The following PRKG1 variants were observed in gnomAD, a reference collection of about 807,000 sequenced individuals.
PRKG1 encodes cGMP-dependent protein kinase 1.
A neutral mutation model predicts 88.1 loss-of-function variants in PRKG1; 35 were observed. The observed-to-expected ratio is 0.40, with a 90% confidence interval of 0.30 to 0.53. PRKG1 has a LOEUF of 0.53. PRKG1 is among the 20% of genes least tolerant of loss of function. PRKG1 has a pLI of 0.59. For missense variants in PRKG1, 540 were observed against 839.8 expected (o/e 0.64, Z 4.41); for synonymous variants, 303 against 292.5 (o/e 1.04, Z -0.37).
intron 4 of PRKG1, among the ~76,000 whole-genome samples, chr10:51,821,629 T>C (rs185242944): frequency 6.6e-6 from 1 of 152,238 alleles, no homozygotes; most frequent in Admixed American, 6.5e-5. Flanking sequence ...CCTATATATT[T>C]ATATTTAGCA....
At chr10:51,231,570 T>C (rs1471741867) in intron 2 of PRKG1, among the ~76,000 whole-genome samples, 2 of 152,174 alleles carry the variant, frequency 1.3e-5, no homozygotes, top group African/African-American at 4.8e-5. Context: ...AATTTACCTT[T>C]CTTTGGAATC....
At chr10:52,051,676 T>C (rs536422601) in intron 5 of PRKG1, among the ~76,000 whole-genome samples, 4 of 152,326 alleles carry the variant, frequency 2.6e-5, no homozygotes, top group South Asian at 4.1e-4. Flanking sequence ...ACCCTATCAT[T>C]GGGCAGAATT....
chr10:51,334,934 G>C (rs539315941), intron 2 of PRKG1, among the ~76,000 whole-genome samples: 20 of 151,804 alleles, frequency 1.3e-4, no homozygotes, highest in Non-Finnish European at 7.4e-5. Flanking sequence ...GGAAAAACAG[G>C]AGGACGTGTT....
chr10:51,077,150 G>T (rs970765951), intron 1 of PRKG1, among the ~76,000 whole-genome samples: 3 of 152,176 alleles, frequency 2.0e-5, no homozygotes, highest in African/African-American at 7.2e-5. Context: ...GGTTGTACAA[G>T]GTAGCTCCAC....
At chr10:51,277,931 T>G (rs1388306109) in intron 2 of PRKG1, among the ~76,000 whole-genome samples, 1 of 152,210 alleles carries the variant, frequency 6.6e-6, no homozygotes, top group African/African-American at 2.4e-5. Flanking sequence ...TTTTCCTAAT[T>G]GAATACCCTT....
chr10:51,768,708 G>C (rs564595614), intron 3 of PRKG1, among the ~76,000 whole-genome samples: 1 of 152,062 alleles, frequency 6.6e-6, no homozygotes, highest in African/African-American at 2.4e-5. Flanking sequence ...GATGAAAAAG[G>C]AATGGGGGCT....
intron 3 of PRKG1, among the ~76,000 whole-genome samples, chr10:51,730,183 C>T (rs1564624346): frequency 6.6e-6 from 1 of 152,066 alleles, no homozygotes; most frequent in Non-Finnish European, 1.5e-5. Context: ...AGCTGATGCT[C>T]CAGAGGCTGT....
At chr10:51,239,222 G>A (rs74133548) in intron 2 of PRKG1, among the ~76,000 whole-genome samples, 4,138 of 152,134 alleles carry the variant, frequency 0.027, 193 homozygotes, top group African/African-American at 0.093. Flanking sequence ...AATAGCATCC[G>A]TAACCCAGAA....
intron 2 of PRKG1, among the ~76,000 whole-genome samples, chr10:51,353,511 A>G (rs974027996): frequency 2.0e-5 from 3 of 152,234 alleles, no homozygotes; most frequent in Non-Finnish European, 4.4e-5. Flanking sequence ...CATTTGTCAA[A>G]AGAAGACATA....
intron 3 of PRKG1, among the ~76,000 whole-genome samples, chr10:51,574,408 A>G (rs937525498): frequency 3.3e-5 from 5 of 152,070 alleles, no homozygotes; most frequent in Admixed American, 1.3e-4. Flanking sequence ...AAATGTTGCC[A>G]GCAATGCTTT....
intron 2 of PRKG1, among the ~76,000 whole-genome samples, chr10:51,187,298 A>C (rs1837516924): frequency 6.6e-6 from 1 of 151,908 alleles, no homozygotes; most frequent in Non-Finnish European, 1.5e-5. Flanking sequence ...AACTTTTAAA[A>C]CTGGTTCCAC....
chr10:51,881,404 C>T (rs1282503556), intron 4 of PRKG1, among the ~76,000 whole-genome samples: 1 of 152,178 alleles, frequency 6.6e-6, no homozygotes, highest in Admixed American at 6.5e-5. Context: ...CTGCATTCAG[C>T]TGTGAGCTCA....
At chr10:51,081,492 A>T (rs1390278757) in intron 1 of PRKG1, among the ~76,000 whole-genome samples, 1 of 152,202 alleles carries the variant, frequency 6.6e-6, no homozygotes, top group Non-Finnish European at 1.5e-5. Flanking sequence ...TTCCCATTAG[A>T]CCAGTGCTTG....
rs546357399 is a variant in PRKG1, at chr10:51,743,731, AAAC to A, written c.593-60853_593-60851del. Among the ~76,000 whole-genome samples, 241 of 37,580 alleles carry A rather than the reference AAAC, an allele frequency of 6.4e-3. 2 individuals are homozygous for A. Among genetic ancestry groups the A allele is most frequent in the African/African-American group, 0.016 (119 of 7,442 alleles). 24.7% of individuals were successfully genotyped at this position (37,580 alleles called of 152,430 possible). A position where few individuals can be genotyped will look rare whatever the true frequency, so the allele number is the denominator to read the frequency against. On this transcript the variant is annotated intron_variant, in intron 3 of 17. Coordinates refer to ENST00000373980, the MANE Select transcript of PRKG1 (RefSeq NM_006258.4). ...AACTAAATATATATATATATAATAT[AAAC>A]TAAATATATATATATATATATATAT...
chr10:51,804,875 T>C (rs928221407), intron 4 of PRKG1, among the ~76,000 whole-genome samples, 185 bp downstream of exon 4: 1 of 152,062 alleles, frequency 6.6e-6, no homozygotes, highest in African/African-American at 2.4e-5. Flanking sequence ...TCTGTAGAGA[T>C]GTAAGACTTC....
At chr10:51,674,748 C>T (rs576237330) in intron 3 of PRKG1, among the ~76,000 whole-genome samples, 24 of 152,180 alleles carry the variant, frequency 1.6e-4, no homozygotes, top group African/African-American at 4.3e-4. Context: ...TGGATGAACC[C>T]GAGACGTTCT....
intron 9 of PRKG1, among the ~76,000 whole-genome samples, chr10:52,243,273 T>G (rs1840914123): frequency 6.6e-6 from 1 of 152,228 alleles, no homozygotes; most frequent in South Asian, 2.1e-4. Flanking sequence ...ATTTTATAAC[T>G]TTTACATTTG....
At chr10:51,129,123 G>C (rs958166156) in intron 1 of PRKG1, among the ~76,000 whole-genome samples, 1 of 152,010 alleles carries the variant, frequency 6.6e-6, no homozygotes, top group Non-Finnish European at 1.5e-5. Flanking sequence ...TTTTATATGC[G>C]TCATCTCAGT....
chr10:51,806,849 C>A (rs1368067782), intron 4 of PRKG1, among the ~76,000 whole-genome samples: 1 of 152,162 alleles, frequency 6.6e-6, no homozygotes, highest in Admixed American at 6.6e-5. Context: ...TGTACCCATG[C>A]CTTCCCTGTG....
Sources: allele counts gnomAD v4.1 joint callset (sites outside exome capture counted in the v4.1 genomes callset), GRCh38; gene constraint gnomAD v4.1.1; transcripts MANE v1.5; gene names NCBI Gene and HGNC (gene_info 2026-07-23, HGNC 2026-07-21).